Variants in FSTL5 observed in about 807,000 individuals in gnomAD.
FSTL5 encodes follistatin like 5.
A neutral mutation model predicts 89.1 loss-of-function variants in FSTL5; 62 were observed. The ratio of observed to expected loss-of-function variants is 0.70; its 90% CI spans 0.57 to 0.86. The LOEUF (loss-of-function observed/expected upper bound fraction) is 0.86. FSTL5 is among the 40% of genes least tolerant of loss of function. FSTL5 has a pLI of 0.00. For synonymous variants in FSTL5, 383 were observed against 346.2 expected (o/e 1.11, Z -1.18); for missense variants, 1,057 against 1,001.6 (o/e 1.06, Z -0.75).
At chr4:162,066,829 T>C (rs1298113956) in intron 2 of FSTL5, among the ~76,000 whole-genome samples, 3 of 152,222 alleles carry the variant, frequency 2.0e-5, no homozygotes, top group South Asian at 4.1e-4. Context: ...ATCCAGTCTA[T>C]CATTGATGGG....
intron 7 of FSTL5, among the ~76,000 whole-genome samples, chr4:161,629,346 TA>T (rs1199296242): frequency 9.3e-5 from 14 of 151,242 alleles, no homozygotes; most frequent in Admixed American, 7.9e-4. Flanking sequence ...GTAAATTAGA[TA>T]ATTTTTTTTT....
intron 2 of FSTL5, among the ~76,000 whole-genome samples, chr4:162,036,813 A>G (rs902859096): frequency 6.6e-6 from 1 of 151,980 alleles, no homozygotes; most frequent in African/African-American, 2.4e-5. Context: ...TGACATAGAT[A>G]GAATCATTGA....
chr4:162,163,707 G>A lies in FSTL5; in HGVS notation c.-109C>T, dbSNP rs1418941952. The A allele has an allele frequency of 2.0e-5, 3 of 151,072 alleles. No homozygotes were observed. Among genetic ancestry groups the A allele is most frequent in the Admixed American group, 1.3e-4 (2 of 15,138 alleles). 9.4% of individuals were successfully genotyped at this position (151,072 alleles called of 1,614,324 possible). A position where few individuals can be genotyped will look rare whatever the true frequency, so the allele number is the denominator to read the frequency against. On this transcript the variant is annotated 5_prime_UTR_variant, in exon 1 of 16. It adds an upstream start codon to the 5' untranslated region. Transcript: ENST00000306100. ...AAAAAAAAAAAACTCTCAAAAGATCGTCTTAGCTGGGGAAAAAAAAATAGT... is the reference window on the plus strand; with the variant it reads ...AAAAAAAAAAAACTCTCAAAAGATCATCTTAGCTGGGGAAAAAAAAATAGT...
chr4:161,811,137 G>A (rs762982644), intron 4 of FSTL5, among the ~76,000 whole-genome samples: 6 of 152,118 alleles, frequency 3.9e-5, no homozygotes, highest in Admixed American at 1.3e-4. Context: ...GAGAAATGTG[G>A]CATTACATTG....
intron 3 of FSTL5, among the ~76,000 whole-genome samples, chr4:161,922,381 T>G (rs1734016179): frequency 6.6e-6 from 1 of 152,038 alleles, no homozygotes; most frequent in African/African-American, 2.4e-5. Flanking sequence ...CACATTTACT[T>G]ATGTAACCAA....
rs1731297794 is a variant in FSTL5 at position 161,528,271 on chromosome 4, T to C, written c.1312+9895A>G. Among the ~76,000 whole-genome samples the C allele has an allele frequency of 1.4e-5, 2 of 141,774 alleles. 1 individual carries two copies. The highest frequency in any genetic ancestry group is 3.1e-5 in the Non-Finnish European group (2 of 65,020). 93.0% of individuals were successfully genotyped at this position (141,774 alleles called of 152,430 possible). A position where few individuals can be genotyped will look rare whatever the true frequency, so the allele number is the denominator to read the frequency against. ...GTAACTAACCTGCACATTGTGCACA[T>C]GTACCCTAAAACTTAAAGTATGATA... On this transcript the variant is annotated intron_variant, in intron 10 of 15. Coordinates refer to ENST00000306100, the MANE Select transcript of FSTL5 (RefSeq NM_020116.5).
At chr4:161,674,176 A>G (rs1579011486) in intron 6 of FSTL5, among the ~76,000 whole-genome samples, 1 of 152,260 alleles carries the variant, frequency 6.6e-6, no homozygotes, top group Non-Finnish European at 1.5e-5. Context: ...TTAAAAGCAC[A>G]GATATACAGA....
At chr4:161,557,546 C>A (rs1732433917) in intron 8 of FSTL5, among the ~76,000 whole-genome samples, 1 of 151,552 alleles carries the variant, frequency 6.6e-6, no homozygotes, top group Admixed American at 6.6e-5. Context: ...ATTATCTACC[C>A]ATTTTTAAAT....
At chr4:161,785,793 G>C (rs1277846746) in intron 4 of FSTL5, among the ~76,000 whole-genome samples, 1 of 152,062 alleles carries the variant, frequency 6.6e-6, no homozygotes, top group Non-Finnish European at 1.5e-5. Flanking sequence ...CAAGCTCTGG[G>C]ACTTTTGGCC....
chr4:161,702,110 A>G (rs1738412075), intron 6 of FSTL5, among the ~76,000 whole-genome samples: 1 of 152,154 alleles, frequency 6.6e-6, no homozygotes, highest in African/African-American at 2.4e-5. Context: ...GCATTCTCCT[A>G]CTTAAAACTA....
At position 161,384,489 on chromosome 4, in the gene FSTL5, A is replaced by C. The variant is rs1235269056; in HGVS notation, c.*1258T>G. On this transcript the variant is annotated 3_prime_UTR_variant, in exon 16 of 16. Coordinates refer to ENST00000306100, the MANE Select transcript of FSTL5 (RefSeq NM_020116.5). ...CTCTTAAAACAAAACAGAAGCAACA[A>C]TTTTTACTTTTCTACAGTGTCTCAA... 1.3e-5 allele frequency: 2 copies of C among 152,100 alleles called. No individual in the cohort carries two copies. The highest frequency in any genetic ancestry group is 4.8e-5 in the African/African-American group (2 of 41,436). 9.4% of individuals were successfully genotyped at this position (152,100 alleles called of 1,614,324 possible).
chr4:162,069,278 A>G, intron 2 of FSTL5, among the ~76,000 whole-genome samples: 1 of 152,154 alleles, frequency 6.6e-6, no homozygotes, highest in Middle Eastern at 3.4e-3. Context: ...TAATAATTGT[A>G]CATATTTATT....
intron 15 of FSTL5, among the ~76,000 whole-genome samples, chr4:161,421,908 A>G (rs1560887129): frequency 6.6e-6 from 1 of 151,958 alleles, no homozygotes; most frequent in Non-Finnish European, 1.5e-5. Flanking sequence ...TATACCACCA[A>G]CTTCTCTCAG....
chr4:161,465,823 C>T (rs1639350069), intron 13 of FSTL5, among the ~76,000 whole-genome samples: 1 of 152,174 alleles, frequency 6.6e-6, no homozygotes, highest in African/African-American at 2.4e-5. Flanking sequence ...AAAAGTTGTT[C>T]ACACTGTAGC....
At chr4:162,115,599 A>G (rs1035619060) in intron 1 of FSTL5, among the ~76,000 whole-genome samples, 3 of 151,952 alleles carry the variant, frequency 2.0e-5, no homozygotes, top group Non-Finnish European at 2.9e-5. Flanking sequence ...TTTCCTTGTA[A>G]CCTCCATCTT....
intron 2 of FSTL5, among the ~76,000 whole-genome samples, chr4:162,034,065 A>T (rs892723841): frequency 1.3e-5 from 2 of 152,004 alleles, no homozygotes; most frequent in African/African-American, 4.8e-5. Context: ...GCCTCTCAAA[A>T]TGCTAAGATT....
chr4:161,947,142 A>ATGTGTGTGTG (rs70937698), intron 3 of FSTL5, among the ~76,000 whole-genome samples: 29 of 148,572 alleles, frequency 2.0e-4, no homozygotes, highest in East Asian at 1.8e-3. Context: ...GTGTGTGTGT[A>ATGTGTGTGTG]TGTGTGTGTG....
chr4:161,848,648 G>C lies in FSTL5; in HGVS notation c.409+71756C>G, dbSNP rs1165865239. ...AATGCGAATAATTAGAAAAGCCCTA[G>C]CTACACTTTTATAATGTGTTGGTTC... On this transcript the variant is annotated intron_variant, in intron 4 of 15. Transcript: ENST00000306100. Among the ~76,000 whole-genome samples, 3 of 152,032 alleles carry C rather than the reference G, an allele frequency of 2.0e-5. No homozygotes were observed. The East Asian group carries it at 5.8e-4, about 29-fold the overall frequency.
chr4:161,817,616 T>C (rs1049319395), intron 4 of FSTL5, among the ~76,000 whole-genome samples: 12 of 152,210 alleles, frequency 7.9e-5, no homozygotes, highest in African/African-American at 2.9e-4. Flanking sequence ...TTCTTGAGTA[T>C]TTAATACTAT....
Sources: allele counts gnomAD v4.1 joint callset (sites outside exome capture counted in the v4.1 genomes callset), GRCh38; gene constraint gnomAD v4.1.1; transcripts MANE v1.5; gene names NCBI Gene and HGNC (gene_info 2026-07-23, HGNC 2026-07-21).